Variants in MALRD1 observed in about 807,000 individuals in gnomAD.
MALRD1 encodes the protein MAM and LDL-receptor class A domain-containing protein 1.
A neutral mutation model predicts 242.1 loss-of-function variants in MALRD1; 247 were observed. That is an observed-to-expected ratio of 1.02 (90% CI 0.92 to 1.13). The LOEUF is 1.13. MALRD1 is among the 50% of genes most tolerant of loss of function. MALRD1 has a pLI of 0.00. For synonymous variants in MALRD1, 995 were observed against 866.6 expected (o/e 1.15, Z -2.60); for missense variants, 2,989 against 2,533.1 (o/e 1.18, Z -3.86).
intron 38 of MALRD1, among the ~76,000 whole-genome samples, chr10:19,728,729 C>T (rs537755862): frequency 3.6e-4 from 55 of 152,224 alleles, no homozygotes; most frequent in African/African-American, 1.3e-3. Context: ...TCCCTACTTC[C>T]ATGTCCAATT....
At chr10:19,353,002 T>C (rs547467391) in intron 26 of MALRD1, among the ~76,000 whole-genome samples, 4 of 152,170 alleles carry the variant, frequency 2.6e-5, no homozygotes, top group African/African-American at 9.6e-5. Flanking sequence ...GATACTACTT[T>C]TTTTTTCTTT....
intron 32 of MALRD1, among the ~76,000 whole-genome samples, chr10:19,560,648 T>C (rs1290506336): frequency 6.6e-6 from 1 of 152,172 alleles, no homozygotes; most frequent in Non-Finnish European, 1.5e-5. Context: ...AAGGATGAGT[T>C]CATGTCTTTT....
chr10:19,442,622 T>G (rs920081767), intron 28 of MALRD1, among the ~76,000 whole-genome samples: 2 of 152,160 alleles, frequency 1.3e-5, no homozygotes, highest in Non-Finnish European at 2.9e-5. Context: ...GGATTATGTT[T>G]ATTGATTTTT....
intron 38 of MALRD1, among the ~76,000 whole-genome samples, chr10:19,700,335 A>G (rs557566903): frequency 1.3e-5 from 2 of 152,182 alleles, no homozygotes; most frequent in African/African-American, 2.4e-5. Context: ...CAAATCTGCA[A>G]CCTGCCATGA....
intron 28 of MALRD1, among the ~76,000 whole-genome samples, chr10:19,399,195 C>T (rs1846719323): frequency 6.6e-6 from 1 of 152,320 alleles, no homozygotes; most frequent in African/African-American, 2.4e-5. Flanking sequence ...CTGCTGTGCA[C>T]ACAACTAGTC....
At chr10:19,219,476 G>T (rs1376997141) in intron 18 of MALRD1, among the ~76,000 whole-genome samples, 2 of 151,610 alleles carry the variant, frequency 1.3e-5, no homozygotes, top group Non-Finnish European at 2.9e-5. Flanking sequence ...TCACTCTGTT[G>T]CCCAGACTGG....
At chr10:19,473,651 C>A (rs1836601717) in intron 29 of MALRD1, among the ~76,000 whole-genome samples, 1 of 152,056 alleles carries the variant, frequency 6.6e-6, no homozygotes, top group South Asian at 2.1e-4. Flanking sequence ...TGTGTCAAAA[C>A]TTCCATGAAA....
chr10:19,214,782 C>G (rs754284204), intron 18 of MALRD1, among the ~76,000 whole-genome samples: 1 of 152,076 alleles, frequency 6.6e-6, no homozygotes, highest in Non-Finnish European at 1.5e-5. Flanking sequence ...TCAGAAGGAG[C>G]CAAATCAGAG....
intron 11 of MALRD1, among the ~76,000 whole-genome samples, chr10:19,148,788 A>ATATATATATATATATATATATATATATAT (rs1554797975): frequency 1.8e-4 from 16 of 87,974 alleles, no homozygotes; most frequent in Non-Finnish European, 3.0e-4. Context: ...AAAAAAAAAA[A>ATATATATATATATATATATATATATATAT]ATATATATAT....
intron 36 of MALRD1, among the ~76,000 whole-genome samples, chr10:19,640,900 T>C (rs1840354948): frequency 6.6e-6 from 1 of 152,164 alleles, no homozygotes; most frequent in Admixed American, 6.5e-5. Context: ...GTTAGAATAA[T>C]GGAGTTTTGT....
In MALRD1 at chr10:19,165,785, C is replaced by T. The variant is rs74733953; in HGVS notation, c.1805C>T (p.Ala602Val). 703 of 1,231,562 alleles carry T rather than the reference C, an allele frequency of 5.7e-4. 5 individuals are homozygous for T. In the African/African-American group the frequency reaches 9.6e-3, roughly 17 times the overall value. The allele number at this position is 1,231,562 out of a possible 1,614,324, so 76.3% of individuals were successfully genotyped here. A position where few individuals can be genotyped will look rare whatever the true frequency, so the allele number is the denominator to read the frequency against. ...GCAAAAATTGATCTCATTGCAGAAG[C>T]GGGAGAATCTACTCTACCTTTTCAG... ...SHAKIDLIAE[A>V]GESTLPFQLI... The change falls in exon 13 of 40, where the codon GCG (alanine) becomes GTG (valine). Residue 602 changes from alanine (A) to valine (V), a missense_variant. Transcript: ENST00000454679.
chr10:19,489,454 C>A, intron 29 of MALRD1: 1 of 585,096 alleles, frequency 1.7e-6, no homozygotes, highest in Non-Finnish European at 3.2e-6. Flanking sequence ...CTTGTACAAT[C>A]CAGGGGAATA....
rs1290246208 is a variant in MALRD1 at position 19,159,132 on chromosome 10, C to A, written c.1656+3960C>A. ...GATTCGGTTTTATTGAAGATTCTAA[C>A]CCTCAGCATAAGCTTGTTCAGGAAA... is the stretch of plus-strand genomic sequence containing the variant. On this transcript the variant is annotated intron_variant, in intron 12 of 39. Transcript: ENST00000454679. Among the ~76,000 whole-genome samples, 6 of 152,108 alleles carry A rather than the reference C, an allele frequency of 3.9e-5. No homozygotes were observed. In the East Asian group the frequency reaches 1.2e-3, roughly 29 times the overall value.
intron 36 of MALRD1, among the ~76,000 whole-genome samples, chr10:19,640,587 C>A (rs1840339617): frequency 6.6e-6 from 1 of 152,098 alleles, no homozygotes; most frequent in African/African-American, 2.4e-5. Flanking sequence ...TCTACTCTAA[C>A]CCTGTTCTAT....
chr10:19,119,107 A>G (rs142135750), intron 5 of MALRD1, among the ~76,000 whole-genome samples: 1 of 152,188 alleles, frequency 6.6e-6, no homozygotes, highest in Non-Finnish European at 1.5e-5. Flanking sequence ...TTGATAATGC[A>G]GAAATTTGCT....
At chr10:19,663,093 A>G (rs1841519063) in intron 36 of MALRD1, among the ~76,000 whole-genome samples, 1 of 152,102 alleles carries the variant, frequency 6.6e-6, no homozygotes, top group African/African-American at 2.4e-5. Context: ...GCATAATGGC[A>G]AAGTCTAGGC....
chr10:19,382,503 G>A (rs1365600497), intron 26 of MALRD1, among the ~76,000 whole-genome samples: 1 of 152,156 alleles, frequency 6.6e-6, no homozygotes, highest in African/African-American at 2.4e-5. Flanking sequence ...AGAAGGCATA[G>A]TTGTGTCAGT....
rs570319109 is a variant in MALRD1 at position 19,445,055 on chromosome 10, T to C, written c.4846-5252T>C. 5.3e-5 allele frequency among the ~76,000 whole-genome samples: 8 copies of C among 152,320 alleles called. 1 individual carries two copies. In the East Asian group the frequency reaches 1.3e-3, roughly 26 times the overall value. On this transcript the variant is annotated intron_variant, in intron 28 of 39. Transcript: ENST00000454679. ...TGTTTTCTTGCTTCATTGCATTCAT[T>C]TGATCTTCAGTCACTGATACCCTTT...
At chr10:19,227,887 G>A (rs1837868946) in intron 18 of MALRD1, among the ~76,000 whole-genome samples, 1 of 152,110 alleles carries the variant, frequency 6.6e-6, no homozygotes, top group Non-Finnish European at 1.5e-5. Flanking sequence ...CATGTCATCA[G>A]GGAAATGCAA....
Sources: allele counts gnomAD v4.1 joint callset (sites outside exome capture counted in the v4.1 genomes callset), GRCh38; gene constraint gnomAD v4.1.1; transcripts MANE v1.5; gene names NCBI Gene and HGNC (gene_info 2026-07-23, HGNC 2026-07-21).